Variants in SNAP47 observed in about 807,000 individuals in gnomAD.
SNAP47 encodes synaptosome associated protein 47.
SNAP47 carries 20 observed loss-of-function variants against 31.4 expected under a neutral mutation model. The ratio of observed to expected loss-of-function variants is 0.64; its 90% CI spans 0.45 to 0.93. The LOEUF is 0.93. Among genes scored for constraint, SNAP47 ranks in the 40% least tolerant of loss-of-function variants. SNAP47 has a pLI of 0.00. For missense variants in SNAP47, 492 were observed against 528.5 expected (o/e 0.93, Z 0.68); for synonymous variants, 194 against 213.4 (o/e 0.91, Z 0.79).
rs538456805 is a variant in SNAP47, at chr1:227,777,521, C to T, written c.1114-3006C>T. Among the ~76,000 whole-genome samples the T allele has an allele frequency of 1.1e-4, 17 of 152,178 alleles. No individual in the cohort carries two copies. The East Asian group carries it at 2.5e-3, about 22-fold the overall frequency. ...GTTGCGGGTCTCTGCTGGGCCTTGC[C>T]GTAGGTAGTGTAACCTTCATGGCGG... is the stretch of plus-strand genomic sequence containing the variant. On this transcript the variant is annotated intron_variant, in intron 4 of 4. Transcript: ENST00000617596.
chr1:227,770,938 G>T (rs1178439567), intron 4 of SNAP47, among the ~76,000 whole-genome samples: 1 of 152,246 alleles, frequency 6.6e-6, no homozygotes, highest in Non-Finnish European at 1.5e-5. Flanking sequence ...TCGCTCTCCT[G>T]CCTGGGCCCA....
chr1:227,772,203 T>C (rs1038107320), intron 4 of SNAP47, among the ~76,000 whole-genome samples: 2 of 152,220 alleles, frequency 1.3e-5, no homozygotes, highest in Non-Finnish European at 2.9e-5. Flanking sequence ...TTTTAAAAAT[T>C]GTGGTGAAAT....
upstream of SNAP47, chr1:227,732,529 C>T (rs567597275): frequency 6.2e-7 from 1 of 1,613,388 alleles, no homozygotes; most frequent in African/African-American, 1.3e-5. Flanking sequence ...GTGATGCGCC[C>T]AACATCAAAG....
intron 1 of SNAP47, among the ~76,000 whole-genome samples, chr1:227,737,208 A>T (rs560252838): frequency 8.5e-5 from 13 of 152,342 alleles, no homozygotes; most frequent in African/African-American, 2.9e-4. Context: ...ACCCACATGG[A>T]TGCAGAAGGA....
chr1:227,735,482 T>C lies in SNAP47; in HGVS notation c.-63T>C. On this transcript the variant is annotated 5_prime_UTR_variant, in exon 1 of 5. Transcript: ENST00000617596. ...GAGGCGCCGCGGTCGGCTCTGGGAC[T>C]CGTCTGGCGTCCCTCAGGTGAGCGA... 1 of 1,419,780 alleles carries C rather than the reference T, an allele frequency of 7.0e-7. No homozygotes were observed. 87.9% of individuals were successfully genotyped at this position (1,419,780 alleles called of 1,614,324 possible).
At position 227,747,767 on chromosome 1, in the gene SNAP47, C is replaced by A; in HGVS notation, c.31C>A (p.Pro11Thr). The change falls in exon 2 of 5, where the codon CCG becomes ACG. Residue 11 changes from proline to threonine, a missense_variant. Physicochemically the swap from Pro to Thr is conservative, Grantham distance 38. Coordinates refer to ENST00000617596, the MANE Select transcript of SNAP47 (RefSeq NM_053052.4). MSRDVCIHTW[P>T]CTYYLEPKRR... ...CAGGGATGTCTGCATCCACACCTGG[C>A]CGTGCACCTACTACCTGGAGCCCAA... The A allele has an allele frequency of 6.2e-7, 1 of 1,614,106 alleles. No homozygotes were observed. Among genetic ancestry groups the A allele is most frequent in the East Asian group, 2.2e-5 (1 of 44,866 alleles).
At chr1:227,737,059 A>G (rs1173561661) in intron 1 of SNAP47, among the ~76,000 whole-genome samples, 2 of 152,192 alleles carry the variant, frequency 1.3e-5, no homozygotes, top group Non-Finnish European at 2.9e-5. Flanking sequence ...ATTGGGTTGA[A>G]GCCTGGTGGG....
At chr1:227,772,800 C>T (rs1201801372) in intron 4 of SNAP47, among the ~76,000 whole-genome samples, 1 of 152,132 alleles carries the variant, frequency 6.6e-6, no homozygotes, top group Admixed American at 6.6e-5. Context: ...TTCCCAACAC[C>T]ATCTGGTAAA....
chr1:227,752,801 G>A (rs1572012891), intron 2 of SNAP47, among the ~76,000 whole-genome samples: 1 of 152,266 alleles, frequency 6.6e-6, no homozygotes, highest in African/African-American at 2.4e-5. Flanking sequence ...GAAATTAAGG[G>A]AGATGATTAA....
chr1:227,759,314 A>G lies in SNAP47; in HGVS notation c.817A>G (p.Ile273Val). The G allele has an allele frequency of 6.2e-7, 1 of 1,614,240 alleles. No homozygotes were observed. The highest frequency in any genetic ancestry group is 1.1e-5 in the South Asian group (1 of 91,090). The change falls in exon 3 of 5, where the codon ATT becomes GTT. Residue 273 changes from isoleucine to valine, a missense_variant. Transcript: ENST00000617596. ...CGAAATTAGCATCCGCCAGCGGTTT[A>G]TTGGAAAGCCAGACATGGCCTATCG... ...PYEISIRQRF[I>V]GKPDMAYRLI...
intron 4 of SNAP47, chr1:227,776,879 A>G: frequency 1.0e-6 from 1 of 985,466 alleles, no homozygotes; most frequent in Non-Finnish European, 1.2e-6. Flanking sequence ...AAGGCCTTCA[A>G]CGTAGTGAGA....
chr1:227,734,612 A>G, upstream of SNAP47: 2 of 1,606,644 alleles, frequency 1.2e-6, no homozygotes, highest in South Asian at 2.2e-5. Flanking sequence ...ACGCAGCGCT[A>G]GGGAAGGCAG....
At chr1:227,735,721 G>C (rs1328022451) in intron 1 of SNAP47, 4 of 983,410 alleles carry the variant, frequency 4.1e-6, no homozygotes, top group Non-Finnish European at 4.8e-6. Flanking sequence ...GATGGGACCC[G>C]GAGAGAACGG....
upstream of SNAP47, chr1:227,733,642 C>G: frequency 6.2e-7 from 1 of 1,604,434 alleles, no homozygotes; most frequent in Non-Finnish European, 8.5e-7. Context: ...CATTGACAGA[C>G]CAGCTGAAGG....
upstream of SNAP47, chr1:227,734,208 G>T: frequency 7.3e-6 from 5 of 681,388 alleles, no homozygotes; most frequent in African/African-American, 3.6e-5. Context: ...GAGGGGGCGG[G>T]GCAGTCTGAC....
Position 227,747,982 on chromosome 1 carries a change from C to A in SNAP47, c.246C>A (p.Ser82=). The A allele has an allele frequency of 6.2e-7, 1 of 1,614,232 alleles. No homozygotes were observed. The highest frequency in any genetic ancestry group is 1.1e-5 in the South Asian group (1 of 91,090). The change falls in exon 2 of 5, where the codon TCC becomes TCA. Residue 82 remains serine (S), a synonymous_variant. Transcript: ENST00000617596. ...GCCATGCCAAGCACTGGTTCAGCTC[C>A]CTGCGGCCAAGTCGAAATGTGGTCT... ...EKGHAKHWFS[S]LRPSRNVVFS...
At chr1:227,745,232 A>C (rs1372953949) in intron 1 of SNAP47, among the ~76,000 whole-genome samples, 2 of 152,212 alleles carry the variant, frequency 1.3e-5, no homozygotes, top group Non-Finnish European at 2.9e-5. Context: ...CCAACGAATC[A>C]AAACAGAGCA....
chr1:227,780,627 C>G lies in SNAP47; in HGVS notation c.1214C>G (p.Thr405Ser), dbSNP rs1664408893. 4 of 1,614,080 alleles carry G rather than the reference C, an allele frequency of 2.5e-6. No individual in the cohort carries two copies. Among genetic ancestry groups the G allele is most frequent in the African/African-American group, 2.7e-5 (2 of 74,936 alleles). ...GTTGCAGCAGCTGTGGACAGGGCAA[C>G]CTTGACCATCGACAAGCACAACAGG... Reference protein sequence around the residue: ...DGVAAAVDRATLTIDKHNRRM... With the variant: ...DGVAAAVDRASLTIDKHNRRM... The change falls in exon 5 of 5, where the codon ACC (threonine) becomes AGC (serine). Residue 405 changes from threonine (T) to serine (S), a missense_variant. Coordinates refer to ENST00000617596, the MANE Select transcript of SNAP47 (RefSeq NM_053052.4).
At chr1:227,745,451 A>C (rs1306023841) in intron 1 of SNAP47, among the ~76,000 whole-genome samples, 1 of 152,212 alleles carries the variant, frequency 6.6e-6, no homozygotes, top group Non-Finnish European at 1.5e-5. Flanking sequence ...GTGAGCTGAG[A>C]GCGGGTGTGT....
Sources: gnomAD v4.1 joint callset for allele counts (sites outside exome capture counted in the v4.1 genomes callset) on GRCh38, gnomAD v4.1.1 for gene constraint, MANE v1.5 for transcripts, NCBI Gene and HGNC (gene_info 2026-07-23, HGNC 2026-07-21) for gene names.